Variants in EPHA5 observed in about 807,000 individuals in gnomAD.
The protein encoded by EPHA5 is ephrin type-A receptor 5.
EPHA5 carries 60 observed loss-of-function variants against 105.0 expected under a neutral mutation model. That is an observed-to-expected ratio of 0.57 (90% confidence interval 0.46 to 0.71). EPHA5 has a LOEUF of 0.71. EPHA5 is among the 30% of genes least tolerant of loss of function. The probability of loss-of-function intolerance (pLI) is 0.00; values close to 1 mark genes in which losing one functional copy is unlikely to be tolerated. For synonymous variants in EPHA5, 513 were observed against 449.1 expected, an observed-to-expected ratio of 1.14 and a Z score of -1.80; for missense variants, 1,218 against 1,274.7, an observed-to-expected ratio of 0.96 and a Z score of 0.68.
intron 7 of EPHA5, among the ~76,000 whole-genome samples, chr4:65,406,287 T>C (rs542872630): frequency 6.6e-6 from 1 of 152,174 alleles, no homozygotes; most frequent in African/African-American, 2.4e-5. Context: ...TGTCTGAAAT[T>C]TTTTATTCTT....
chr4:65,551,239 T>A (rs1219491647), intron 3 of EPHA5, among the ~76,000 whole-genome samples: 2 of 138,428 alleles, frequency 1.4e-5, no homozygotes, highest in African/African-American at 5.2e-5. Context: ...ATATATGGAG[T>A]GTATATATTT....
chr4:65,353,845 A>T (rs1283616565), intron 11 of EPHA5, among the ~76,000 whole-genome samples: 2 of 151,660 alleles, frequency 1.3e-5, no homozygotes, highest in South Asian at 2.1e-4. Flanking sequence ...ATCTCGATTA[A>T]CCCCACTTTT....
At chr4:65,546,713 T>A (rs536023813) in intron 3 of EPHA5, among the ~76,000 whole-genome samples, 8 of 152,168 alleles carry the variant, frequency 5.3e-5, no homozygotes, top group African/African-American at 1.9e-4. Context: ...TTTCATCAAC[T>A]AGTAAGAGCA....
rs2148798770 is a variant in EPHA5, at chr4:65,332,049, T to G, written c.2869A>C (p.Lys957Gln). ...RSVGEWLEAI[K>Q]MGRYTEIFME... Reference sequence around the variant, plus strand: ...AAAATCTCTGTATACCGGCCCATCTTGATTGCCTCTAGCCATTCACCTACT... The same window carrying G: ...AAAATCTCTGTATACCGGCCCATCTGGATTGCCTCTAGCCATTCACCTACT... The change falls in exon 16 of 17, where the codon AAG becomes CAG. Residue 957 changes from lysine to glutamine, a missense_variant. Around this residue, in one of 3 missense-constraint regions of EPHA5, gnomAD observed 971 missense variants for 1,013.5 expected, o/e 0.96. Coordinates refer to ENST00000613740, the MANE Select transcript of EPHA5 (RefSeq NM_001281766.3). The G allele has an allele frequency of 6.2e-7, 1 of 1,611,940 alleles. No homozygotes were observed.
chr4:65,524,454 C>T (rs1735044077), intron 3 of EPHA5, among the ~76,000 whole-genome samples: 1 of 151,732 alleles, frequency 6.6e-6, no homozygotes, highest in Non-Finnish European at 1.5e-5. Context: ...TTACATATCA[C>T]ATTGTTTAGT....
intron 2 of EPHA5, among the ~76,000 whole-genome samples, chr4:65,621,672 T>G (rs927764617): frequency 6.6e-6 from 1 of 152,024 alleles, no homozygotes; most frequent in Admixed American, 6.6e-5. Flanking sequence ...GAATCAGAAA[T>G]ATAGTCAGGT....
intron 3 of EPHA5, among the ~76,000 whole-genome samples, chr4:65,544,819 C>T (rs1737215430): frequency 6.6e-6 from 1 of 151,902 alleles, no homozygotes; most frequent in African/African-American, 2.4e-5. Context: ...GACCTGTAAC[C>T]AACCCAAATG....
chr4:65,494,308 A>G (rs1000034468), intron 4 of EPHA5, among the ~76,000 whole-genome samples: 13 of 152,324 alleles, frequency 8.5e-5, no homozygotes, highest in Admixed American at 7.8e-4. Context: ...TTTGATAACA[A>G]AAAATCTTCA....
intron 5 of EPHA5, among the ~76,000 whole-genome samples, chr4:65,487,274 T>C (rs1730969911): frequency 6.6e-6 from 1 of 152,238 alleles, no homozygotes; most frequent in South Asian, 2.1e-4. Flanking sequence ...ACCTCCAAGC[T>C]GCCCTTGTTC....
Position 65,409,879 on chromosome 4 carries a change from T to C in EPHA5, c.1687+4405A>G, listed in dbSNP as rs56928087. Among the ~76,000 whole-genome samples the C allele has an allele frequency of 3.9e-3, 590 of 152,288 alleles. 8 individuals carry two copies. The highest frequency in any genetic ancestry group is 0.014 in the African/African-American group (574 of 41,560). Reference sequence around the variant, plus strand: ...TCACTACCCACTTATTCAAAATGACTGACAAATAAGTAAATAAATAATGAC... The same window carrying C: ...TCACTACCCACTTATTCAAAATGACCGACAAATAAGTAAATAAATAATGAC... On this transcript the variant is annotated intron_variant, in intron 7 of 16. Transcript: ENST00000613740.
In EPHA5 at chr4:65,319,997, C is replaced by T. The variant is rs76455416; in HGVS notation, c.*4117G>A. ...TACCACCTTCAATTTTCTCCATTAA[C>T]GTTTAGAAGAAACAAACAACATTTG... is the stretch of plus-strand genomic sequence containing the variant. On this transcript the variant is annotated 3_prime_UTR_variant, in exon 17 of 17. Coordinates refer to ENST00000613740, the MANE Select transcript of EPHA5 (RefSeq NM_001281766.3). The T allele has an allele frequency of 9.2e-3, 2,110 of 229,888 alleles. 77 individuals carry two copies. The highest frequency in any genetic ancestry group is 0.084 in the East Asian group (1,362 of 16,220). 14.2% of individuals were successfully genotyped at this position (229,888 alleles called of 1,614,324 possible).
intron 3 of EPHA5, among the ~76,000 whole-genome samples, chr4:65,531,272 C>T (rs916746514): frequency 2.0e-5 from 3 of 151,426 alleles, no homozygotes; most frequent in Non-Finnish European, 4.4e-5. Context: ...CTCCTGACCT[C>T]ATGATCCACC....
chr4:65,508,182 A>T (rs574117558), intron 3 of EPHA5, among the ~76,000 whole-genome samples: 1 of 152,088 alleles, frequency 6.6e-6, no homozygotes, highest in Non-Finnish European at 1.5e-5. Flanking sequence ...AAGCTGGATG[A>T]TTTATTCTGT....
At chr4:65,541,727 A>G (rs1736853912) in intron 3 of EPHA5, among the ~76,000 whole-genome samples, 1 of 151,880 alleles carries the variant, frequency 6.6e-6, no homozygotes, top group Non-Finnish European at 1.5e-5. Flanking sequence ...TCAGGACTTG[A>G]ACTCAGCTTT....
intron 14 of EPHA5, 32 bp downstream of exon 14, chr4:65,348,022 G>T (rs191959000): frequency 1.3e-6 from 2 of 1,528,360 alleles, no homozygotes; most frequent in South Asian, 1.3e-5. Context: ...GCATTTCATT[G>T]TCAAGTTGGG....
At chr4:65,387,969 C>CCCCCCTA in intron 8 of EPHA5, among the ~76,000 whole-genome samples, 1 of 56,674 alleles carries the variant, frequency 1.8e-5, no homozygotes, top group Non-Finnish European at 3.2e-5. Context: ...CCTCCCCCCT[C>CCCCCCTA]CCCCCACCCC....
rs138806319 is a variant in EPHA5 at position 65,440,398 on chromosome 4, T to C, written c.1403-19833A>G. On this transcript the variant is annotated intron_variant, in intron 5 of 16. Transcript: ENST00000613740. ...ATATGGATACATATTAAAGTTAGTA[T>C]TATGTGTGCAAAAATTTAGTAATAA... 1.6e-3 allele frequency among the ~76,000 whole-genome samples: 236 copies of C among 152,002 alleles called. 1 individual carries two copies. The highest frequency in any genetic ancestry group is 5.3e-3 in the African/African-American group (219 of 41,478).
intron 8 of EPHA5, among the ~76,000 whole-genome samples, chr4:65,400,535 T>A (rs1241912664): frequency 1.3e-5 from 2 of 152,136 alleles, no homozygotes; most frequent in Non-Finnish European, 2.9e-5. Context: ...ATAGGATTTT[T>A]CCTTCAAGAT....
chr4:65,339,287 C>A (rs1721477757), intron 14 of EPHA5, among the ~76,000 whole-genome samples: 2 of 152,040 alleles, frequency 1.3e-5, no homozygotes, highest in African/African-American at 2.4e-5. Flanking sequence ...CACCCACAGA[C>A]CCTCAGCCAG....
Sources: allele counts gnomAD v4.1 joint callset (sites outside exome capture counted in the v4.1 genomes callset), GRCh38; gene constraint gnomAD v4.1.1; regional missense constraint gnomAD v4.1.1; transcripts MANE v1.5; gene names NCBI Gene and HGNC (gene_info 2026-07-23, HGNC 2026-07-21).